Variants in EFTUD2 observed in about 807,000 individuals in gnomAD.
EFTUD2 encodes the protein elongation factor Tu GTP binding domain containing 2.
EFTUD2 carries 9 observed loss-of-function variants against 114.3 expected under a neutral mutation model. That is an observed-to-expected ratio of 0.08 (90% CI 0.05 to 0.14). The LOEUF is 0.14. Ranked by LOEUF, EFTUD2 falls within the 10% of genes least tolerant of loss-of-function variation. The probability of loss-of-function intolerance (pLI) is 1.00; values close to 1 mark genes in which losing one functional copy is unlikely to be tolerated. For missense variants in EFTUD2, 765 were observed against 1,241.2 expected (o/e 0.62, Z 5.76); for synonymous variants, 449 against 462.3 (o/e 0.97, Z 0.37).
At chr17:44,877,716 G>C (rs1007161812) in intron 9 of EFTUD2, among the ~76,000 whole-genome samples, 5 of 152,076 alleles carry the variant, frequency 3.3e-5, no homozygotes, top group Admixed American at 3.3e-4. Flanking sequence ...TGAGGCAGGA[G>C]AATCACTTGA....
In EFTUD2 at chr17:44,872,434, G is replaced by C; in HGVS notation, c.994+12C>G. 6.2e-7 allele frequency: 1 copy of C among 1,611,156 alleles called. No homozygotes were observed. The highest frequency in any genetic ancestry group is 8.5e-7 in the Non-Finnish European group (1 of 1,178,130). On this transcript the variant is annotated intron_variant, in intron 11 of 27. Transcript: ENST00000426333. The stretch of plus-strand genomic sequence containing the variant: ...GGGAAGCTGGTGAGACAGACTGCCA[G>C]CCAGCGCTTACCAAAGGTGTCGGCA...
At chr17:44,868,423 G>A (rs1263671262) in intron 11 of EFTUD2, 73 bp from the exon 12 acceptor site, 1 of 1,466,778 alleles carries the variant, frequency 6.8e-7, no homozygotes, top group African/African-American at 1.4e-5. Context: ...GGTGCCACAG[G>A]TGGTTCATAG....
chr17:44,881,848 GC>G, intron 6 of EFTUD2, 126 bp from the exon 7 acceptor site: 5 of 836,084 alleles, frequency 6.0e-6, no homozygotes, highest in East Asian at 2.7e-5. Context: ...GAGAGAGAGA[GC>G]AGGGTGTCCC....
chr17:44,869,292 T>C (rs1329103744), intron 11 of EFTUD2, among the ~76,000 whole-genome samples: 1 of 152,152 alleles, frequency 6.6e-6, no homozygotes, highest in East Asian at 1.9e-4. Flanking sequence ...TACCATGCAG[T>C]ATAATCACTG....
At position 44,868,269 on chromosome 17, in the gene EFTUD2, G is replaced by C; in HGVS notation, c.1058+18C>G. On this transcript the variant is annotated intron_variant, in intron 12 of 27. Coordinates refer to ENST00000426333, the MANE Select transcript of EFTUD2 (RefSeq NM_004247.4). ...AATGATCACCCCTCTGGAAAGTCAC[G>C]TCCCATACTCTACTTACGTCTTAGG... The C allele has an allele frequency of 2.5e-6, 4 of 1,610,442 alleles. No individual in the cohort carries two copies. The highest frequency in any genetic ancestry group is 3.4e-6 in the Non-Finnish European group (4 of 1,177,988).
intron 10 of EFTUD2, among the ~76,000 whole-genome samples, chr17:44,873,355 T>G (rs975605507): frequency 4.6e-5 from 7 of 152,238 alleles, no homozygotes; most frequent in Admixed American, 2.6e-4. Flanking sequence ...TTTTCTTGCT[T>G]AGAGGTTCTT....
chr17:44,868,228 C>T, intron 12 of EFTUD2, 59 bp downstream of exon 12: 1 of 1,473,874 alleles, frequency 6.8e-7, no homozygotes, highest in Non-Finnish European at 9.3e-7. Flanking sequence ...ATTTCACTGT[C>T]CTCACTTACT....
chr17:44,860,496 A>G lies in EFTUD2; in HGVS notation c.1655T>C (p.Ile552Thr), dbSNP rs764121005. The G allele has an allele frequency of 7.4e-6, 12 of 1,613,856 alleles. No homozygotes were observed. Among genetic ancestry groups the G allele is most frequent in the South Asian group, 3.3e-5 (3 of 91,080 alleles). Reference sequence around the variant, plus strand: ...CACAATTGGTTGATCAACACCTTCAATCAGAACCCAGTTGCCAGCAGGAAC... The same window carrying G: ...CACAATTGGTTGATCAACACCTTCAGTCAGAACCCAGTTGCCAGCAGGAAC... ...NRVPAGNWVL[I>T]EGVDQPIVKT... The change falls in exon 17 of 28, where the codon ATT (isoleucine) becomes ACT (threonine). Residue 552 changes from isoleucine (I) to threonine (T), a missense_variant. By Grantham distance (89) the Ile-to-Thr change is moderately conservative (BLOSUM62 -1). Around this residue, in one of 6 missense-constraint regions of EFTUD2, gnomAD observed 149 missense variants for 245.1 expected, o/e 0.61. Coordinates refer to ENST00000426333, the MANE Select transcript of EFTUD2 (RefSeq NM_004247.4).
At chr17:44,869,062 G>A (rs1271115987) in intron 11 of EFTUD2, among the ~76,000 whole-genome samples, 1 of 152,130 alleles carries the variant, frequency 6.6e-6, no homozygotes, top group Non-Finnish European at 1.5e-5. Flanking sequence ...ACCTTGTATG[G>A]GATAAAGGGA....
intron 11 of EFTUD2, among the ~76,000 whole-genome samples, chr17:44,871,922 G>T (rs2050862370): frequency 6.6e-6 from 1 of 152,226 alleles, no homozygotes; most frequent in African/African-American, 2.4e-5. Context: ...GAGCCAGGGA[G>T]TCTCTCACAG....
chr17:44,882,114 G>A, intron 6 of EFTUD2, among the ~76,000 whole-genome samples: 1 of 151,684 alleles, frequency 6.6e-6, no homozygotes, highest in Non-Finnish European at 1.5e-5. Context: ...TTGTATTTTC[G>A]GTAGACACAG....
At chr17:44,864,798 C>T in intron 14 of EFTUD2, 132 bp downstream of exon 14, 1 of 1,356,916 alleles carries the variant, frequency 7.4e-7, no homozygotes, top group South Asian at 1.4e-5. Flanking sequence ...CAGTGTTCTG[C>T]ATCTGAATCT....
chr17:44,872,329 T>C (rs1366323704), intron 11 of EFTUD2, 117 bp downstream of exon 11: 4 of 1,340,482 alleles, frequency 3.0e-6, no homozygotes, highest in Non-Finnish European at 4.2e-6. Context: ...TAATAACAGG[T>C]GATAAAATGT....
Position 44,850,437 on chromosome 17 carries a change from A to C in EFTUD2, c.*837T>G. 40 of 1,427,184 alleles carry C rather than the reference A, an allele frequency of 2.8e-5. No individual in the cohort carries two copies. Among genetic ancestry groups the C allele is most frequent in the Non-Finnish European group, 3.4e-5 (35 of 1,015,294 alleles). The allele number at this position is 1,427,184 out of a possible 1,614,324, so 88.4% of individuals were successfully genotyped here. On this transcript the variant is annotated 3_prime_UTR_variant, in exon 28 of 28. Coordinates refer to ENST00000426333, the MANE Select transcript of EFTUD2 (RefSeq NM_004247.4). Reference sequence around the variant, plus strand: ...CGGGGCTGTCCAACTCCCCTAACTCAATCCCTGGTACATTCCTAATAAAGC... The same window carrying C: ...CGGGGCTGTCCAACTCCCCTAACTCCATCCCTGGTACATTCCTAATAAAGC...
At chr17:44,886,875 C>A in intron 2 of EFTUD2, 125 bp from the exon 3 acceptor site, 2 of 1,452,738 alleles carry the variant, frequency 1.4e-6, no homozygotes, top group Non-Finnish European at 1.8e-6. Context: ...GAGTTCTATG[C>A]CAGTGGGGGA....
At chr17:44,879,223 T>C (rs2051026041) in intron 9 of EFTUD2, among the ~76,000 whole-genome samples, 1 of 152,046 alleles carries the variant, frequency 6.6e-6, no homozygotes, top group Admixed American at 6.6e-5. Flanking sequence ...GTAGCTGGGA[T>C]TACAGGCATG....
chr17:44,879,975 G>A (rs2051040633), intron 8 of EFTUD2, among the ~76,000 whole-genome samples: 1 of 152,206 alleles, frequency 6.6e-6, no homozygotes, highest in South Asian at 2.1e-4. Flanking sequence ...GGGCAAAGCA[G>A]GGCCTGGAGC....
intron 15 of EFTUD2, 38 bp from the exon 16 acceptor site, chr17:44,862,944 A>C (rs2050683866): frequency 6.4e-7 from 1 of 1,562,760 alleles, no homozygotes; most frequent in Admixed American, 1.7e-5. Flanking sequence ...AACCACATCT[A>C]TGCTCCGGGG....
intron 1 of EFTUD2, among the ~76,000 whole-genome samples, chr17:44,895,485 G>A (rs1284900741): frequency 8.4e-6 from 1 of 119,096 alleles, no homozygotes; most frequent in African/African-American, 3.2e-5. Flanking sequence ...GACAGAACAA[G>A]ACTCCATCTC....
Sources: gnomAD v4.1 joint callset for allele counts (sites outside exome capture counted in the v4.1 genomes callset) on GRCh38, gnomAD v4.1.1 for gene constraint, gnomAD v4.1.1 regional missense constraint, MANE v1.5 for transcripts, NCBI Gene and HGNC (gene_info 2026-07-23, HGNC 2026-07-21) for gene names.